NRARP: variants seen among roughly 807,000 people sequenced by gnomAD.
The protein encoded by NRARP is notch-regulated ankyrin repeat-containing protein.
For missense variants in NRARP, 83 were observed against 161.1 expected, an observed-to-expected ratio of 0.52 and a Z score of 2.62; for synonymous variants, 81 against 77.4, an observed-to-expected ratio of 1.05 and a Z score of -0.25.
At position 137,301,505 on chromosome 9, in the gene NRARP, C is replaced by A. The variant is rs1430079090; in HGVS notation, c.*79G>T. 2 of 976,734 alleles carry A rather than the reference C, an allele frequency of 2.0e-6. No individual in the cohort carries two copies. The highest frequency in any genetic ancestry group is 3.2e-5 in the East Asian group (1 of 31,416). The allele number at this position is 976,734 out of a possible 1,614,324, so 60.5% of individuals were successfully genotyped here. A position where few individuals can be genotyped will look rare whatever the true frequency, so the allele number is the denominator to read the frequency against. ...CTTCTGGCGGGGCCTGCGAGCCGGG[C>A]GCGCACCGAGGTAGTTGGCGGGAAG... On this transcript the variant is annotated 3_prime_UTR_variant, in exon 1 of 1. Transcript: ENST00000356628. This position sits in a 1 kb window ranked among gnomAD's most constrained non-coding sequence, Gnocchi z 9.1.
rs1191190093 is a variant in NRARP at position 137,301,174 on chromosome 9, G to C, written c.*410C>G. On this transcript the variant is annotated 3_prime_UTR_variant, in exon 1 of 1. Transcript: ENST00000356628. This position sits in a 1 kb window ranked among gnomAD's most constrained non-coding sequence, Gnocchi z 9.1. ...GCGGGCGGGTCCTGAAGGCGGCGGC[G>C]GAGCGCTCCGAGTCCGCCTTCGGCT... 6.6e-6 allele frequency: 1 copy of C among 151,986 alleles called. No homozygotes were observed. Among genetic ancestry groups the C allele is most frequent in the Non-Finnish European group, 1.5e-5 (1 of 67,954 alleles). 9.4% of individuals were successfully genotyped at this position (151,986 alleles called of 1,614,324 possible).
In NRARP at chr9:137,300,920, A is replaced by G. The variant is rs1830945789; in HGVS notation, c.*664T>C. The stretch of plus-strand genomic sequence containing the variant: ...CTCAAGTTTTTAGTTTTAAGACTAG[A>G]AAAAAATGCATCACTCCCCCCCATA... On this transcript the variant is annotated 3_prime_UTR_variant, in exon 1 of 1. Coordinates refer to ENST00000356628, the MANE Select transcript of NRARP (RefSeq NM_001004354.3). 6.6e-6 allele frequency: 1 copy of G among 152,350 alleles called. No individual in the cohort carries two copies. Among genetic ancestry groups the G allele is most frequent in the Non-Finnish European group, 1.5e-5 (1 of 68,024 alleles). 9.4% of individuals were successfully genotyped at this position (152,350 alleles called of 1,614,324 possible). A position where few individuals can be genotyped will look rare whatever the true frequency, so the allele number is the denominator to read the frequency against.
chr9:137,301,367 G>A lies in NRARP; in HGVS notation c.*217C>T, dbSNP rs970468165. On this transcript the variant is annotated 3_prime_UTR_variant, in exon 1 of 1. Coordinates refer to ENST00000356628, the MANE Select transcript of NRARP (RefSeq NM_001004354.3). The surrounding 1 kb of genome is among the most constrained non-coding windows in gnomAD (Gnocchi z 9.1). ...GCAGGCGAGCGGGTGGGGGCCGTGG[G>A]AAGCTGCTCCGGCCCGGCCGGGCCC... The A allele has an allele frequency of 1.9e-5, 4 of 215,990 alleles. No individual in the cohort carries two copies. Among genetic ancestry groups the A allele is most frequent in the Non-Finnish European group, 3.6e-5 (4 of 110,666 alleles). The allele number at this position is 215,990 out of a possible 1,614,324, so 13.4% of individuals were successfully genotyped here. A position where few individuals can be genotyped will look rare whatever the true frequency, so the allele number is the denominator to read the frequency against.
Position 137,301,016 on chromosome 9 carries a change from A to T in NRARP, c.*568T>A, listed in dbSNP as rs900873944. On this transcript the variant is annotated 3_prime_UTR_variant, in exon 1 of 1. Transcript: ENST00000356628. This position sits in a 1 kb window ranked among gnomAD's most constrained non-coding sequence, Gnocchi z 9.1. ...ACAAACTCCACCCACAAATGTACAC[A>T]CACAAGATAAATAGTTTAGAACACC... 36 of 152,228 alleles carry T rather than the reference A, an allele frequency of 2.4e-4. No homozygotes were observed. The highest frequency in any genetic ancestry group is 1.8e-3 in the Admixed American group (28 of 15,292). 9.4% of individuals were successfully genotyped at this position (152,228 alleles called of 1,614,324 possible).
chr9:137,301,428 T>C lies in NRARP; in HGVS notation c.*156A>G. The C allele has an allele frequency of 4.6e-6, 2 of 432,520 alleles. No homozygotes were observed. Among genetic ancestry groups the C allele is most frequent in the Non-Finnish European group, 7.8e-6 (2 of 258,022 alleles). The allele number at this position is 432,520 out of a possible 1,614,324, so 26.8% of individuals were successfully genotyped here. A position where few individuals can be genotyped will look rare whatever the true frequency, so the allele number is the denominator to read the frequency against. ...CAGGGAGGCGCTCGGCCGGCGGGGC[T>C]GCCGGACCCTGGGGCCGGGACGCAC... On this transcript the variant is annotated 3_prime_UTR_variant, in exon 1 of 1. Coordinates refer to ENST00000356628, the MANE Select transcript of NRARP (RefSeq NM_001004354.3). The surrounding 1 kb of genome is among the most constrained non-coding windows in gnomAD (Gnocchi z 9.1).
chr9:137,299,659 AG>A lies in NRARP; in HGVS notation c.*1924del. ...CAAGAAACTTTTTTTTAATATAAAA[AG>A]ATCAATGAAAAATTTATTTATAAAT... On this transcript the variant is annotated 3_prime_UTR_variant, in exon 1 of 1. Transcript: ENST00000356628. 2.6e-5 allele frequency among the ~76,000 whole-genome samples: 4 copies of A among 152,342 alleles called. No individual in the cohort carries two copies. In the Middle Eastern group the frequency reaches 0.014, roughly 518 times the overall value.
rs1278651466 is a variant in NRARP at position 137,301,830 on chromosome 9, C to T, written c.99G>A (p.Leu33=). ...ACTCGCAGTTGGTCATGTTCTGCAGCAGCGACTGCAGCTCCTGCGTGTTGC... is the reference window on the plus strand; with the variant it reads ...ACTCGCAGTTGGTCATGTTCTGCAGTAGCGACTGCAGCTCCTGCGTGTTGC... The part of the protein sequence containing the change: ...RKGNTQELQS[L]LQNMTNCEFN... Residue 33 remains leucine, a synonymous_variant, in exon 1 of 1, where the codon CTG becomes CTA. Coordinates refer to ENST00000356628, the MANE Select transcript of NRARP (RefSeq NM_001004354.3). The surrounding 1 kb of genome is among the most constrained non-coding windows in gnomAD (Gnocchi z 9.1). 1 of 1,601,408 alleles carries T rather than the reference C, an allele frequency of 6.2e-7. No individual in the cohort carries two copies. Among genetic ancestry groups the T allele is most frequent in the South Asian group, 1.1e-5 (1 of 90,890 alleles).
Position 137,301,813 on chromosome 9 carries a change from T to G in NRARP, c.116A>C (p.Asn39Thr), listed in dbSNP as rs1247819257. 6.2e-7 allele frequency: 1 copy of G among 1,605,504 alleles called. No individual in the cohort carries two copies. Among genetic ancestry groups the G allele is most frequent in the Non-Finnish European group, 8.5e-7 (1 of 1,179,428 alleles). Residue 39 changes from asparagine to threonine, a missense_variant, in exon 1 of 1, where the codon AAC becomes ACC. Asn to Thr is a moderately conservative substitution (Grantham distance 65). Coordinates refer to ENST00000356628, the MANE Select transcript of NRARP (RefSeq NM_001004354.3). The surrounding 1 kb of genome is among the most constrained non-coding windows in gnomAD (Gnocchi z 9.1). ...ELQSLLQNMT[N>T]CEFNVNSFGP... Reference sequence around the variant, plus strand: ...GAACGAGTTCACGTTGAACTCGCAGTTGGTCATGTTCTGCAGCAGCGACTG... The same window carrying G: ...GAACGAGTTCACGTTGAACTCGCAGGTGGTCATGTTCTGCAGCAGCGACTG...
chr9:137,301,883 G>T lies in NRARP; in HGVS notation c.46C>A (p.Arg16Ser), dbSNP rs779852873. Residue 16 changes from arginine to serine, a missense_variant, in exon 1 of 1, where the codon CGC (arginine) becomes AGC (serine). Arg to Ser is a moderately radical substitution (Grantham distance 110). Transcript: ENST00000356628. This position sits in a 1 kb window ranked among gnomAD's most constrained non-coding sequence, Gnocchi z 9.1. ...TTGCGCACAGCCTCCTGGAAGATGC[G>T]CTGCGTCTGCGGCGCGGAGCAGGTG... Reference protein sequence around the residue: ...LSTCSAPQTQRIFQEAVRKGN... With the variant: ...LSTCSAPQTQSIFQEAVRKGN... The T allele has an allele frequency of 3.8e-6, 6 of 1,571,966 alleles. No homozygotes were observed. The highest frequency in any genetic ancestry group is 1.7e-5 in the Admixed American group (1 of 58,326).
Position 137,301,570 on chromosome 9 carries a change from G to A in NRARP, c.*14C>T. Reference sequence around the variant, plus strand: ...ACGCGGGCGCAGGGCCGGGGTCCGGGGTCCCGGCGGGCATCACCGGCCGCT... The same window carrying A: ...ACGCGGGCGCAGGGCCGGGGTCCGGAGTCCCGGCGGGCATCACCGGCCGCT... On this transcript the variant is annotated 3_prime_UTR_variant, in exon 1 of 1. Coordinates refer to ENST00000356628, the MANE Select transcript of NRARP (RefSeq NM_001004354.3). This position sits in a 1 kb window ranked among gnomAD's most constrained non-coding sequence, Gnocchi z 9.1. The A allele has an allele frequency of 6.6e-7, 1 of 1,525,226 alleles. No individual in the cohort carries two copies. Among genetic ancestry groups the A allele is most frequent in the South Asian group, 1.2e-5 (1 of 81,434 alleles). The allele number at this position is 1,525,226 out of a possible 1,614,324, so 94.5% of individuals were successfully genotyped here.
chr9:137,301,957 G>T lies in NRARP; in HGVS notation c.-29C>A. On this transcript the variant is annotated 5_prime_UTR_variant, in exon 1 of 1. Coordinates refer to ENST00000356628, the MANE Select transcript of NRARP (RefSeq NM_001004354.3). This position sits in a 1 kb window ranked among gnomAD's most constrained non-coding sequence, Gnocchi z 9.1. ...GCCGCCGGGCGCGGGCCGCGGGCCG[G>T]GCCGGGGCTCAGCGCGGGCGGCGGC... 1.7e-6 allele frequency: 2 copies of T among 1,146,574 alleles called. No individual in the cohort carries two copies. The highest frequency in any genetic ancestry group is 4.0e-5 in the South Asian group (1 of 25,062). 71.0% of individuals were successfully genotyped at this position (1,146,574 alleles called of 1,614,324 possible).
rs1564453214 is a variant in NRARP at position 137,300,197 on chromosome 9, G to A, written c.*1387C>T. ...GGAAGGGCGCCTTTCAGGACAGAAA[G>A]TGACGCAGGAGAACCTCCCCGGGCC... On this transcript the variant is annotated 3_prime_UTR_variant, in exon 1 of 1. Transcript: ENST00000356628. 6.6e-6 allele frequency among the ~76,000 whole-genome samples: 1 copy of A among 152,162 alleles called. No homozygotes were observed. Among genetic ancestry groups the A allele is most frequent in the Non-Finnish European group, 1.5e-5 (1 of 68,036 alleles).
In NRARP at chr9:137,300,443, A is replaced by G. The variant is rs1830937243; in HGVS notation, c.*1141T>C. ...ATCGCCCTTTAAAATTGGGTTTATA[A>G]CCAAGATTCAAAAAATACACCTAAA... On this transcript the variant is annotated 3_prime_UTR_variant, in exon 1 of 1. Coordinates refer to ENST00000356628, the MANE Select transcript of NRARP (RefSeq NM_001004354.3). The G allele has an allele frequency of 6.6e-6, 1 of 152,214 alleles. No homozygotes were observed. Among genetic ancestry groups the G allele is most frequent in the Non-Finnish European group, 1.5e-5 (1 of 68,032 alleles). The allele number at this position is 152,214 out of a possible 1,614,324, so 9.4% of individuals were successfully genotyped here. A position where few individuals can be genotyped will look rare whatever the true frequency, so the allele number is the denominator to read the frequency against.
chr9:137,301,591 C>A lies in NRARP; in HGVS notation c.338G>T (p.Gly113Val). Reference protein sequence around the residue: ...LITKAKYAASGR With the variant: ...LITKAKYAASVR ...CCGGGGTCCCGGCGGGCATCACCGG[C>A]CGCTGGCCGCGTACTTCGCCTTGGT... The change falls in exon 1 of 1, where the codon GGC becomes GTC. Residue 113 changes from glycine to valine, a missense_variant. By Grantham distance (109) the Gly-to-Val change is moderately radical. Coordinates refer to ENST00000356628, the MANE Select transcript of NRARP (RefSeq NM_001004354.3). This position sits in a 1 kb window ranked among gnomAD's most constrained non-coding sequence, Gnocchi z 9.1. 1 of 1,561,164 alleles carries A rather than the reference C, an allele frequency of 6.4e-7. No homozygotes were observed. The highest frequency in any genetic ancestry group is 1.8e-5 in the Admixed American group (1 of 55,920).
rs1467616588 is a variant in NRARP at position 137,301,960 on chromosome 9, C to T, written c.-32G>A. 3 of 1,083,386 alleles carry T rather than the reference C, an allele frequency of 2.8e-6. No homozygotes were observed. The highest frequency in any genetic ancestry group is 2.3e-6 in the Non-Finnish European group (2 of 883,070). 67.1% of individuals were successfully genotyped at this position (1,083,386 alleles called of 1,614,324 possible). On this transcript the variant is annotated 5_prime_UTR_variant, in exon 1 of 1. Transcript: ENST00000356628. The surrounding 1 kb of genome is among the most constrained non-coding windows in gnomAD (Gnocchi z 9.1). The stretch of plus-strand genomic sequence containing the variant: ...GCCGGGCGCGGGCCGCGGGCCGGGC[C>T]GGGGCTCAGCGCGGGCGGCGGCTGC...
Position 137,301,033 on chromosome 9 carries a change from T to C in NRARP, c.*551A>G, listed in dbSNP as rs1271468772. 1.3e-5 allele frequency: 2 copies of C among 152,106 alleles called. No individual in the cohort carries two copies. The highest frequency in any genetic ancestry group is 2.9e-5 in the Non-Finnish European group (2 of 67,998). 9.4% of individuals were successfully genotyped at this position (152,106 alleles called of 1,614,324 possible). A position where few individuals can be genotyped will look rare whatever the true frequency, so the allele number is the denominator to read the frequency against. On this transcript the variant is annotated 3_prime_UTR_variant, in exon 1 of 1. Coordinates refer to ENST00000356628, the MANE Select transcript of NRARP (RefSeq NM_001004354.3). This position sits in a 1 kb window ranked among gnomAD's most constrained non-coding sequence, Gnocchi z 9.1. ...ATGTACACACACAAGATAAATAGTT[T>C]AGAACACCAGCAACAGCGAACAGCC...
Position 137,300,718 on chromosome 9 carries a change from GC to G in NRARP, c.*865del, listed in dbSNP as rs1354871719. 1 of 152,012 alleles carries G rather than the reference GC, an allele frequency of 6.6e-6. No individual in the cohort carries two copies. Among genetic ancestry groups the G allele is most frequent in the African/African-American group, 2.4e-5 (1 of 41,278 alleles). 9.4% of individuals were successfully genotyped at this position (152,012 alleles called of 1,614,324 possible). ...GGGATGGTGGCCTCATCCAGGAGGG[GC>G]GGGGGAGAGAGGCCCTGGGGCTTCC... On this transcript the variant is annotated 3_prime_UTR_variant, in exon 1 of 1. Coordinates refer to ENST00000356628, the MANE Select transcript of NRARP (RefSeq NM_001004354.3).
chr9:137,301,107 G>A lies in NRARP; in HGVS notation c.*477C>T, dbSNP rs1261204017. 1.3e-5 allele frequency: 2 copies of A among 152,094 alleles called. No homozygotes were observed. The highest frequency in any genetic ancestry group is 4.8e-5 in the African/African-American group (2 of 41,448). The allele number at this position is 152,094 out of a possible 1,614,324, so 9.4% of individuals were successfully genotyped here. A position where few individuals can be genotyped will look rare whatever the true frequency, so the allele number is the denominator to read the frequency against. On this transcript the variant is annotated 3_prime_UTR_variant, in exon 1 of 1. Coordinates refer to ENST00000356628, the MANE Select transcript of NRARP (RefSeq NM_001004354.3). This position sits in a 1 kb window ranked among gnomAD's most constrained non-coding sequence, Gnocchi z 9.1. Reference sequence around the variant, plus strand: ...AGCGGCGCGGACCTCGGACCTCGGGGCTGCTCCTCGGCTGCAGCCGGCATC... The same window carrying A: ...AGCGGCGCGGACCTCGGACCTCGGGACTGCTCCTCGGCTGCAGCCGGCATC...
chr9:137,300,567 C>A lies in NRARP; in HGVS notation c.*1017G>T, dbSNP rs528415779. ...TACTTTTTTTAAAAAAGTGTGCAACCGTTAACTATGATAGAACGCACTAGA... is the reference window on the plus strand; with the variant it reads ...TACTTTTTTTAAAAAAGTGTGCAACAGTTAACTATGATAGAACGCACTAGA... On this transcript the variant is annotated 3_prime_UTR_variant, in exon 1 of 1. Coordinates refer to ENST00000356628, the MANE Select transcript of NRARP (RefSeq NM_001004354.3). 6.4e-3 allele frequency: 979 copies of A among 152,308 alleles called. 6 individuals carry two copies. The highest frequency in any genetic ancestry group is 0.01 in the Non-Finnish European group (694 of 68,022). The allele number at this position is 152,308 out of a possible 1,614,324, so 9.4% of individuals were successfully genotyped here. A position where few individuals can be genotyped will look rare whatever the true frequency, so the allele number is the denominator to read the frequency against.
Sources: allele counts gnomAD v4.1 joint callset (sites outside exome capture counted in the v4.1 genomes callset), GRCh38; gene constraint gnomAD v4.1.1; non-coding constraint Gnocchi (gnomAD v3.1); transcripts MANE v1.5; gene names NCBI Gene and HGNC (gene_info 2026-07-23, HGNC 2026-07-21).